The following NCOR2 variants were observed in gnomAD, a reference collection of about 807,000 sequenced individuals.
NCOR2 encodes CTG repeat protein 26.
Under a neutral mutation model 262.9 loss-of-function variants are expected in NCOR2, and 81 were observed. The observed-to-expected ratio is 0.31, with a 90% CI of 0.26 to 0.37. The LOEUF is 0.37. Ranked by LOEUF, NCOR2 falls within the 10% of genes least tolerant of loss-of-function variation. The pLI is 1.00. For missense variants in NCOR2, 3,385 were observed against 3,621.4 expected (o/e 0.93, Z 1.68); for synonymous variants, 1,659 against 1,559.3 (o/e 1.06, Z -1.51).
At position 124,504,558 on chromosome 12, in the gene NCOR2, G is replaced by A. The variant is rs565238158; in HGVS notation, c.-117-9190C>T. ...ACACATCCCCAAGGAACGGAAAACT[G>A]GTGACAAAACAAACAGAAAGGATTA... On this transcript the variant is annotated intron_variant, in intron 1 of 46. Transcript: ENST00000404621. The surrounding 1 kb of genome is among the most constrained non-coding windows in gnomAD (Gnocchi z 4.5). Among the ~76,000 whole-genome samples, 3 of 152,272 alleles carry A rather than the reference G, an allele frequency of 2.0e-5. No homozygotes were observed. Among genetic ancestry groups the A allele is most frequent in the African/African-American group, 4.8e-5 (2 of 41,542 alleles).
intron 8 of NCOR2, among the ~76,000 whole-genome samples, chr12:124,436,493 A>T (rs2044344072): frequency 6.6e-6 from 1 of 152,102 alleles, no homozygotes; most frequent in South Asian, 2.1e-4. Flanking sequence ...CCAGGTGGGG[A>T]CCTTTTCAGG....
At chr12:124,428,043 C>CTGTGTGTGTGTG (rs1491282996) in intron 10 of NCOR2, among the ~76,000 whole-genome samples, 3 of 40,964 alleles carry the variant, frequency 7.3e-5, no homozygotes, top group Non-Finnish European at 2.6e-4. Flanking sequence ...CCCATGTGGC[C>CTGTGTGTGTGTG]AGTGTGTGTG....
chr12:124,380,055 T>C (rs2040297959), intron 17 of NCOR2, among the ~76,000 whole-genome samples: 1 of 152,340 alleles, frequency 6.6e-6, no homozygotes, highest in African/African-American at 2.4e-5. Context: ...CACCGGTCTG[T>C]GGTACTTCCT....
chr12:124,329,687 T>C (rs1418149798), intron 44 of NCOR2, among the ~76,000 whole-genome samples: 2 of 152,170 alleles, frequency 1.3e-5, no homozygotes, highest in African/African-American at 4.8e-5. Flanking sequence ...GAGGCTGCAG[T>C]GAGCTGTGAT....
exon 33 of NCOR2, chr12:124,343,094 C>G: frequency 6.2e-7 from 1 of 1,612,324 alleles, no homozygotes; most frequent in Non-Finnish European, 8.5e-7. Flanking sequence ...ACTCACGCCC[C>G]GAAGCAGGTG....
chr12:124,486,370 C>T, intron 2 of NCOR2, 71 bp downstream of exon 4: 7 of 1,571,562 alleles, frequency 4.5e-6, no homozygotes, highest in African/African-American at 2.8e-5. Context: ...TGCTCTGCCA[C>T]GGGCCTCTGC....
chr12:124,332,588 C>CGCCT (rs1485799639), intron 42 of NCOR2, 121 bp from the exon 45 acceptor site: 2 of 1,247,458 alleles, frequency 1.6e-6, no homozygotes, highest in Non-Finnish European at 2.3e-6. Flanking sequence ...CCCGCCCCCA[C>CGCCT]GCCTGCATCC....
At chr12:124,335,881 A>G in intron 38 of NCOR2, 1 of 517,186 alleles carries the variant, frequency 1.9e-6, no homozygotes, top group Admixed American at 3.3e-5. Flanking sequence ...ACACAGAGAG[A>G]GATTAGGCAA....
At chr12:124,342,866 C>T in intron 33 of NCOR2, 139 bp downstream of exon 35, 1 of 854,648 alleles carries the variant, frequency 1.2e-6, no homozygotes, top group Admixed American at 2.9e-5. Flanking sequence ...ACTGTTGGGT[C>T]TTCCAATCCC....
At chr12:124,351,865 C>T (rs970210050) in intron 27 of NCOR2, among the ~76,000 whole-genome samples, 6 of 152,172 alleles carry the variant, frequency 3.9e-5, no homozygotes, top group East Asian at 3.9e-4. Flanking sequence ...GCAGATTCAA[C>T]GGTAAAGGTC....
At position 124,432,859 on chromosome 12, in the gene NCOR2, C is replaced by T. The variant is rs1357752381; in HGVS notation, c.883-2072G>A. Reference sequence around the variant, plus strand: ...CCAAGGTGACTTGAGCAAGTGGCGGCGGGGGGCGGGGGGTGGGGGCGGGGA... The same window carrying T: ...CCAAGGTGACTTGAGCAAGTGGCGGTGGGGGGCGGGGGGTGGGGGCGGGGA... On this transcript the variant is annotated intron_variant, in intron 8 of 46. Transcript: ENST00000405201. This position sits in a 1 kb window ranked among gnomAD's most constrained non-coding sequence, Gnocchi z 5.1. 9.7e-4 allele frequency among the ~76,000 whole-genome samples: 10 copies of T among 10,328 alleles called. No homozygotes were observed. Among genetic ancestry groups the T allele is most frequent in the African/African-American group, 1.1e-3 (2 of 1,778 alleles). The allele number at this position is 10,328 out of a possible 152,430, so 6.8% of individuals were successfully genotyped here.
At chr12:124,543,500 G>A (rs1026440428) in intron 1 of NCOR2, among the ~76,000 whole-genome samples, 5 of 152,200 alleles carry the variant, frequency 3.3e-5, no homozygotes, top group Admixed American at 6.5e-5. Context: ...ACGGGACCCC[G>A]AGCATCTGAC....
chr12:124,540,048 C>A (rs1475204142), upstream of NCOR2, among the ~76,000 whole-genome samples: 1 of 152,146 alleles, frequency 6.6e-6, no homozygotes, highest in Admixed American at 6.5e-5. Context: ...CCCCTGTTAC[C>A]TGCCAGGTAC....
At chr12:124,480,042 C>T (rs528463922) in intron 3 of NCOR2, among the ~76,000 whole-genome samples, 3 of 152,350 alleles carry the variant, frequency 2.0e-5, no homozygotes, top group South Asian at 2.1e-4. Context: ...CTTACCACTG[C>T]GTGAATGCCT....
At chr12:124,410,956 A>C (rs2042546001) in intron 13 of NCOR2, among the ~76,000 whole-genome samples, 2 of 145,158 alleles carry the variant, frequency 1.4e-5, no homozygotes, top group Non-Finnish European at 3.0e-5. Context: ...AGGAGAGAGA[A>C]AGGGAGAAAG....
At chr12:124,489,618 T>G (rs895383012) in intron 1 of NCOR2, among the ~76,000 whole-genome samples, 4 of 151,386 alleles carry the variant, frequency 2.6e-5, no homozygotes, top group Admixed American at 1.3e-4. Context: ...GCCATTCAGG[T>G]GATGCCCCCT....
rs1472109063 is a variant in NCOR2 at position 124,443,843 on chromosome 12, C to T, written c.816-5847G>A. Reference sequence around the variant, plus strand: ...TAAATTCATTGCCAGCACTGAAAACCAGAGGCTGTTACACAAAAAGCCAAA... The same window carrying T: ...TAAATTCATTGCCAGCACTGAAAACTAGAGGCTGTTACACAAAAAGCCAAA... On this transcript the variant is annotated intron_variant, in intron 7 of 46. Transcript: ENST00000405201. The surrounding 1 kb of genome is among the most constrained non-coding windows in gnomAD (Gnocchi z 4.4). Among the ~76,000 whole-genome samples, 1 of 152,126 alleles carries T rather than the reference C, an allele frequency of 6.6e-6. No homozygotes were observed. Among genetic ancestry groups the T allele is most frequent in the Non-Finnish European group, 1.5e-5 (1 of 68,038 alleles).
In NCOR2 at chr12:124,433,873, C is replaced by CACACAA. The variant is rs1555222676; in HGVS notation, c.883-3087_883-3086insTTGTGT. Among the ~76,000 whole-genome samples the CACACAA allele has an allele frequency of 2.0e-4, 19 of 96,344 alleles. 1 individual carries two copies. In the South Asian group the frequency reaches 5.2e-3, roughly 26 times the overall value. 63.2% of individuals were successfully genotyped at this position (96,344 alleles called of 152,430 possible). A position where few individuals can be genotyped will look rare whatever the true frequency, so the allele number is the denominator to read the frequency against. On this transcript the variant is annotated intron_variant, in intron 8 of 46. Transcript: ENST00000405201. ...ACACACACACACACACACACACACA[C>CACACAA]ACACACACACACACACACACACACA...
At chr12:124,430,586 CG>C in intron 9 of NCOR2, 28 bp downstream of exon 11, 2 of 1,583,148 alleles carry the variant, frequency 1.3e-6, no homozygotes, top group South Asian at 1.1e-5. Context: ...GCCCTGACGT[CG>C]GGGGCCCTGG....
Sources: allele counts gnomAD v4.1 joint callset (sites outside exome capture counted in the v4.1 genomes callset), GRCh38; gene constraint gnomAD v4.1.1; non-coding constraint Gnocchi (gnomAD v3.1); transcripts MANE v1.5; gene names NCBI Gene and HGNC (gene_info 2026-07-23, HGNC 2026-07-21).